Variants in CNTRL observed in about 807,000 individuals in gnomAD.
The protein encoded by CNTRL is 110 kDa centrosomal protein.
In CNTRL, 233 loss-of-function variants were observed where a neutral mutation model predicts 303.7. The ratio of observed to expected loss-of-function variants is 0.77; its 90% confidence interval spans 0.69 to 0.86. The LOEUF (loss-of-function observed/expected upper bound fraction) is 0.86, where lower values mean the gene tolerates loss of function less well. Among genes scored for constraint, CNTRL ranks in the 40% least tolerant of loss-of-function variants. CNTRL has a pLI of 0.00. For missense variants in CNTRL, 2,524 were observed against 2,650.6 expected (o/e 0.95, Z 1.05); for synonymous variants, 900 against 922.2 (o/e 0.98, Z 0.44).
chr9:121,175,023 A>C lies in CNTRL; in HGVS notation c.6753A>C (p.Gln2251His), dbSNP rs1216858128. ...AGTCTTATCACACTTTTCAGGCCCA[A>C]CTCCGACACTGTATGTCCAAGCAAG... is the stretch of plus-strand genomic sequence containing the variant. ...LRHREDRLKA[Q>H]LRHCMSKQAE... The change falls in exon 43 of 44, where the codon CAA becomes CAC. Residue 2251 changes from glutamine (Q) to histidine (H), a missense_variant. By Grantham distance (24) the Gln-to-His change is conservative (BLOSUM62 0). Transcript: ENST00000373855. 6.2e-7 allele frequency: 1 copy of C among 1,613,674 alleles called. No individual in the cohort carries two copies. Among genetic ancestry groups the C allele is most frequent in the Non-Finnish European group, 8.5e-7 (1 of 1,179,866 alleles).
intron 39 of CNTRL, 127 bp from the exon 40 acceptor site, chr9:121,171,281 C>T (rs1249790262): frequency 7.3e-6 from 7 of 963,530 alleles, no homozygotes; most frequent in Non-Finnish European, 1.2e-5. Flanking sequence ...AGAATTATCC[C>T]CATTTGACAG....
intron 20 of CNTRL, 37 bp from the exon 21 acceptor site, chr9:121,144,806 T>C (rs781383368): frequency 8.3e-6 from 12 of 1,440,306 alleles, no homozygotes; most frequent in Non-Finnish European, 1.2e-5. Flanking sequence ...CAACCTGTGA[T>C]AGCAGTGGTG....
rs775525901 is a variant in CNTRL at position 121,173,264 on chromosome 9, G to T, written c.6439G>T (p.Glu2147Ter). 7.4e-6 allele frequency: 12 copies of T among 1,610,794 alleles called. No individual in the cohort carries two copies. Among genetic ancestry groups the T allele is most frequent in the African/African-American group, 1.3e-5 (1 of 74,832 alleles). Residue 2147 changes from glutamate to a stop codon, truncating the protein, a stop_gained, in exon 41 of 44, where the codon GAG becomes TAG. Coordinates refer to ENST00000373855, the MANE Select transcript of CNTRL (RefSeq NM_007018.6). LOFTEE classifies it high-confidence loss of function. ...KKQMANQKDL[E>*]RRQMEISDAM... is the part of the protein sequence containing the mutation. Reference sequence around the variant, plus strand: ...TTAGATGGCAAACCAAAAAGATTTGGAGAGAAGACAAATGGAAATCAGTGA... The same window carrying T: ...TTAGATGGCAAACCAAAAAGATTTGTAGAGAAGACAAATGGAAATCAGTGA...
At chr9:121,148,138 C>T (rs72760236) in intron 23 of CNTRL, among the ~76,000 whole-genome samples, 1 of 152,222 alleles carries the variant, frequency 6.6e-6, no homozygotes, top group African/African-American at 2.4e-5. Flanking sequence ...ACCCGGGAGT[C>T]TCATCACTAT....
Position 121,133,150 on chromosome 9 carries a change from G to A in CNTRL, c.2026-2656G>A, listed in dbSNP as rs2050970183. Among the ~76,000 whole-genome samples the A allele has an allele frequency of 3.3e-5, 5 of 152,232 alleles. No individual in the cohort carries two copies. In the South Asian group the frequency reaches 8.3e-4, roughly 25 times the overall value. ...GTTCTCTGAGCTCAAACACTGTGCT[G>A]GGAGAACCACTGCTCTCTTCAGAGC... On this transcript the variant is annotated intron_variant, in intron 14 of 43. Coordinates refer to ENST00000373855, the MANE Select transcript of CNTRL (RefSeq NM_007018.6).
At position 121,118,391 on chromosome 9, in the gene CNTRL, A is replaced by T; in HGVS notation, c.1501A>T (p.Arg501Ter). 6.2e-7 allele frequency: 1 copy of T among 1,611,712 alleles called. No homozygotes were observed. Residue 501 changes from arginine (R) to a stop codon, truncating the protein, a stop_gained, in exon 12 of 44, where the codon AGA becomes TGA. Coordinates refer to ENST00000373855, the MANE Select transcript of CNTRL (RefSeq NM_007018.6). LOFTEE classifies it high-confidence loss of function. ...CCTTCTTTACAAGCAGTTGAGTGGT[A>T]GACTACAACTTGTAAATAAATTACG... Reference protein sequence around the residue: ...KDLLYKQLSGRLQLVNKLRQE... With the variant: ...KDLLYKQLSG
intron 5 of CNTRL, 72 bp from the exon 6 acceptor site, chr9:121,096,350 T>C: frequency 1.1e-6 from 1 of 925,158 alleles, no homozygotes; most frequent in Non-Finnish European, 1.5e-6. Flanking sequence ...CTAAAGCTGT[T>C]TATTCTAAAA....
intron 34 of CNTRL, among the ~76,000 whole-genome samples, chr9:121,163,068 G>A (rs1025224632): frequency 4.6e-5 from 7 of 151,708 alleles, no homozygotes; most frequent in Admixed American, 2.0e-4. Flanking sequence ...GGCCAGGCAC[G>A]TTGGCTCATG....
At position 121,154,909 on chromosome 9, in the gene CNTRL, A is replaced by G. The variant is rs754277006; in HGVS notation, c.4361A>G (p.Glu1454Gly). Residue 1454 changes from glutamate (E) to glycine (G), a missense_variant, in exon 27 of 44, where the codon GAA becomes GGA. Glu to Gly is a moderately conservative substitution (Grantham distance 98). Coordinates refer to ENST00000373855, the MANE Select transcript of CNTRL (RefSeq NM_007018.6). ...GAGAGTGAACTTTCATGCACTAAAG[A>G]AAAGGTTTGTCTTCTTGTGGTTTGG... Reference protein sequence around the residue: ...EAESELSCTKEKTKNAVEKFT... With the variant: ...EAESELSCTKGKTKNAVEKFT... The G allele has an allele frequency of 1.2e-5, 19 of 1,613,926 alleles. No homozygotes were observed. The Admixed American group carries it at 2.0e-4, about 17-fold the overall frequency.
chr9:121,082,538 C>G (rs1358103475), intron 2 of CNTRL, among the ~76,000 whole-genome samples: 1 of 152,164 alleles, frequency 6.6e-6, no homozygotes, highest in East Asian at 1.9e-4. Flanking sequence ...CATCATTGTA[C>G]AAACATCATA....
At chr9:121,132,716 C>G (rs886423058) in intron 14 of CNTRL, among the ~76,000 whole-genome samples, 1 of 152,110 alleles carries the variant, frequency 6.6e-6, no homozygotes. Flanking sequence ...AAGAGGCGCT[C>G]GGTTTTTAGA....
chr9:121,167,724 A>T (rs1397904649), intron 37 of CNTRL, 47 bp downstream of exon 37: 1 of 1,531,016 alleles, frequency 6.5e-7, no homozygotes, highest in Non-Finnish European at 8.9e-7. Context: ...TTTGTGGCTC[A>T]TGTGAGCCTA....
chr9:121,132,502 C>G (rs1230907193), intron 14 of CNTRL, among the ~76,000 whole-genome samples: 1 of 152,178 alleles, frequency 6.6e-6, no homozygotes, highest in Non-Finnish European at 1.5e-5. Context: ...AAGGTCTTCT[C>G]TACACTCTTT....
At position 121,158,066 on chromosome 9, in the gene CNTRL, T is replaced by C; in HGVS notation, c.4721T>C (p.Leu1574Pro). Residue 1574 changes from leucine (L) to proline (P), a missense_variant, in exon 30 of 44, where the codon CTT becomes CCT. By Grantham distance (98) the Leu-to-Pro change is moderately conservative. Coordinates refer to ENST00000373855, the MANE Select transcript of CNTRL (RefSeq NM_007018.6). ...CAGGTCCTTAAAGAATCTGAGGTGC[T>C]TCTTCAGGCCAAAAGAGCCGAGCTG... Reference protein sequence around the residue: ...HLQVLKESEVLLQAKRAELEK... With the variant: ...HLQVLKESEVPLQAKRAELEK... 6.2e-7 allele frequency: 1 copy of C among 1,614,170 alleles called. No individual in the cohort carries two copies. The highest frequency in any genetic ancestry group is 8.5e-7 in the Non-Finnish European group (1 of 1,180,014).
chr9:121,129,269 A>G (rs2050716409), intron 14 of CNTRL, among the ~76,000 whole-genome samples: 1 of 152,198 alleles, frequency 6.6e-6, no homozygotes. Context: ...CTTCCTACCC[A>G]TGAGCATGGA....
chr9:121,115,619 T>TGTAACATA (rs1416531908), intron 11 of CNTRL, among the ~76,000 whole-genome samples: 1 of 151,544 alleles, frequency 6.6e-6, no homozygotes, highest in Non-Finnish European at 1.5e-5. Flanking sequence ...AAAAGATTGA[T>TGTAACATA]GTAACATATT....
intron 20 of CNTRL, among the ~76,000 whole-genome samples, chr9:121,144,286 T>C (rs1222357723): frequency 2.0e-5 from 3 of 152,210 alleles, no homozygotes; most frequent in Admixed American, 6.5e-5. Flanking sequence ...TACTGCGTTC[T>C]ACTGAGCCCT....
intron 5 of CNTRL, among the ~76,000 whole-genome samples, chr9:121,095,299 C>G (rs548663965): frequency 6.6e-6 from 1 of 152,086 alleles, no homozygotes; most frequent in South Asian, 2.1e-4. Context: ...GAAGTTTTCC[C>G]AGATATTGTC....
chr9:121,135,607 T>C (rs1297385165), intron 14 of CNTRL, among the ~76,000 whole-genome samples, 199 bp from the exon 15 acceptor site: 1 of 152,230 alleles, frequency 6.6e-6, no homozygotes, highest in African/African-American at 2.4e-5. Flanking sequence ...ACTTTCTTGA[T>C]TACATTTAGC....
Sources: allele counts gnomAD v4.1 joint callset (sites outside exome capture counted in the v4.1 genomes callset), GRCh38; gene constraint gnomAD v4.1.1; transcripts MANE v1.5; gene names NCBI Gene and HGNC (gene_info 2026-07-23, HGNC 2026-07-21).